Variants in WNT3A observed in about 807,000 individuals in gnomAD.
WNT3A encodes protein Wnt-3a.
A neutral mutation model predicts 37.0 loss-of-function variants in WNT3A; 17 were observed. That is an observed-to-expected ratio of 0.46 (90% CI 0.31 to 0.69). The LOEUF (loss-of-function observed/expected upper bound fraction) is 0.69. Ranked by LOEUF, WNT3A falls within the 30% of genes least tolerant of loss-of-function variation. The pLI is 0.05. For synonymous variants in WNT3A, 187 were observed against 211.0 expected (o/e 0.89, Z 0.99); for missense variants, 411 against 510.2 (o/e 0.81, Z 1.87).
In WNT3A at chr1:228,057,641, C is replaced by T. The variant is rs899625424; in HGVS notation, c.580-1345C>T. On this transcript the variant is annotated intron_variant, in intron 3 of 3. Transcript: ENST00000284523. ...AGTTCAAGAAAGAGCCAGAAGGGGA[C>T]GAGGAGGAGGCAGGATTGGGACCCA... 1.2e-4 allele frequency among the ~76,000 whole-genome samples: 18 copies of T among 152,020 alleles called. No individual in the cohort carries two copies. In the South Asian group the frequency reaches 1.5e-3, roughly 12 times the overall value.
chr1:228,041,013 A>ATATCTATCTATCTATCTATC (rs6143658), intron 2 of WNT3A, among the ~76,000 whole-genome samples: 2 of 140,834 alleles, frequency 1.4e-5, no homozygotes, highest in African/African-American at 5.3e-5. Flanking sequence ...CTACATATCT[A>ATATCTATCTATCTATCTATC]TATCTATCTA....
chr1:228,051,700 A>G (rs2102780137), intron 3 of WNT3A, among the ~76,000 whole-genome samples: 2 of 152,224 alleles, frequency 1.3e-5, no homozygotes, highest in Non-Finnish European at 2.9e-5. Flanking sequence ...TTGCTACCCG[A>G]GACTGGGTAA....
At chr1:228,019,021 G>C (rs1260629279) in intron 1 of WNT3A, among the ~76,000 whole-genome samples, 1 of 152,234 alleles carries the variant, frequency 6.6e-6, no homozygotes, top group African/African-American at 2.4e-5. Context: ...GCTGTGAGAG[G>C]CCAGGGATGC....
At position 228,039,159 on chromosome 1, in the gene WNT3A, G is replaced by A. The variant is rs1571806698; in HGVS notation, c.314-11497G>A. 6.6e-6 allele frequency among the ~76,000 whole-genome samples: 1 copy of A among 152,166 alleles called. No individual in the cohort carries two copies. The highest frequency in any genetic ancestry group is 1.5e-5 in the Non-Finnish European group (1 of 68,024). ...AAGCCACAGGTTTCCAGGGGCTGGG[G>A]ACAGCATTGGAGGGCCCCAGGAGGC... On this transcript the variant is annotated intron_variant, in intron 2 of 3. Transcript: ENST00000284523. This position sits in a 1 kb window ranked among gnomAD's most constrained non-coding sequence, Gnocchi z 4.1.
intron 2 of WNT3A, among the ~76,000 whole-genome samples, chr1:228,040,989 ATATAT>A (rs2031270455): frequency 6.8e-6 from 1 of 146,084 alleles, no homozygotes; most frequent in African/African-American, 2.5e-5. Flanking sequence ...ATATATATAT[ATATAT>A]AATATCTACT....
Position 228,050,279 on chromosome 1 carries a change from G to A in WNT3A, c.314-377G>A, listed in dbSNP as rs2031514964. Among the ~76,000 whole-genome samples the A allele has an allele frequency of 6.6e-6, 1 of 152,230 alleles. No individual in the cohort carries two copies. Reference sequence around the variant, plus strand: ...TGGTCTCAAGCAGTCCTCCTACTGTGCCTCTCAAAGTGCTGGGATTACAGG... The same window carrying A: ...TGGTCTCAAGCAGTCCTCCTACTGTACCTCTCAAAGTGCTGGGATTACAGG... On this transcript the variant is annotated intron_variant, in intron 2 of 3. Transcript: ENST00000284523. The surrounding 1 kb of genome is among the most constrained non-coding windows in gnomAD (Gnocchi z 5.0).
In WNT3A at chr1:228,022,894, C is replaced by G; in HGVS notation, c.299C>G (p.Pro100Arg). 1 of 1,609,092 alleles carries G rather than the reference C, an allele frequency of 6.2e-7. No homozygotes were observed. Among genetic ancestry groups the G allele is most frequent in the Non-Finnish European group, 8.5e-7 (1 of 1,176,466 alleles). ...TVHDSLAIFG[P>R]VLDKATRESA... ...CACGACAGCCTGGCCATCTTCGGGC[C>G]CGTGCTGGACAAAGGTATGGGGGTG... The change falls in exon 2 of 4, where the codon CCC becomes CGC. Residue 100 changes from proline to arginine, a missense_variant. Physicochemically the swap from Pro to Arg is moderately radical, Grantham distance 103. Coordinates refer to ENST00000284523, the MANE Select transcript of WNT3A (RefSeq NM_033131.4).
At chr1:228,010,569 C>G (rs2030340969) in intron 1 of WNT3A, among the ~76,000 whole-genome samples, 1 of 152,208 alleles carries the variant, frequency 6.6e-6, no homozygotes, top group African/African-American at 2.4e-5. Flanking sequence ...ACAGCAAGCT[C>G]CACCCCTTAC....
chr1:228,057,850 G>A (rs981569921), intron 3 of WNT3A, among the ~76,000 whole-genome samples: 2 of 152,192 alleles, frequency 1.3e-5, no homozygotes, highest in Non-Finnish European at 2.9e-5. Flanking sequence ...GGTTTGGTTT[G>A]GTTTGAGACA....
At chr1:228,033,244 A>G (rs563849857) in intron 2 of WNT3A, among the ~76,000 whole-genome samples, 4 of 151,984 alleles carry the variant, frequency 2.6e-5, no homozygotes, top group Admixed American at 2.0e-4. Context: ...CTAAGAGACA[A>G]TTGCCTAACC....
In WNT3A at chr1:228,039,663, A is replaced by C. The variant is rs2031228231; in HGVS notation, c.314-10993A>C. 6.6e-6 allele frequency among the ~76,000 whole-genome samples: 1 copy of C among 152,094 alleles called. No homozygotes were observed. Among genetic ancestry groups the C allele is most frequent in the South Asian group, 2.1e-4 (1 of 4,826 alleles). On this transcript the variant is annotated intron_variant, in intron 2 of 3. Transcript: ENST00000284523. This position sits in a 1 kb window ranked among gnomAD's most constrained non-coding sequence, Gnocchi z 4.1. ...CATCAGAATCACTGGAGACCCTTTA[A>C]GATATAGGTGCCCCCCACCCCAGTT...
intron 2 of WNT3A, among the ~76,000 whole-genome samples, chr1:228,046,826 G>A (rs1236726493): frequency 1.3e-5 from 2 of 151,748 alleles, no homozygotes; most frequent in Non-Finnish European, 2.9e-5. Context: ...ATGCCTATAT[G>A]TGTGTGTTTG....
At chr1:228,015,538 G>A (rs1431509235) in intron 1 of WNT3A, among the ~76,000 whole-genome samples, 2 of 152,166 alleles carry the variant, frequency 1.3e-5, no homozygotes, top group Admixed American at 1.3e-4. Context: ...GGGCATGGGG[G>A]CAGGGAGGGC....
Position 228,050,818 on chromosome 1 carries a change from T to C in WNT3A, c.476T>C (p.Ile159Thr). ...AAGTGGGGTGGCTGTAGCGAGGACA[T>C]CGAGTTTGGTGGGATGGTGTCTCGG... Reference protein sequence around the residue: ...GWKWGGCSEDIEFGGMVSREF... With the variant: ...GWKWGGCSEDTEFGGMVSREF... The change falls in exon 3 of 4, where the codon ATC (isoleucine) becomes ACC (threonine). Residue 159 changes from isoleucine (I) to threonine (T), a missense_variant. Coordinates refer to ENST00000284523, the MANE Select transcript of WNT3A (RefSeq NM_033131.4). The surrounding 1 kb of genome is among the most constrained non-coding windows in gnomAD (Gnocchi z 5.0). 2 of 1,612,100 alleles carry C rather than the reference T, an allele frequency of 1.2e-6. No individual in the cohort carries two copies. Among genetic ancestry groups the C allele is most frequent in the Non-Finnish European group, 1.7e-6 (2 of 1,179,104 alleles).
At chr1:228,009,182 TC>T (rs2030298636) in intron 1 of WNT3A, among the ~76,000 whole-genome samples, 1 of 151,942 alleles carries the variant, frequency 6.6e-6, no homozygotes, top group African/African-American at 2.4e-5. Flanking sequence ...AGAAGCAGCC[TC>T]CCCTTGGGGG....
In WNT3A at chr1:228,031,113, G is replaced by A. The variant is rs2030991464; in HGVS notation, c.313+8205G>A. On this transcript the variant is annotated intron_variant, in intron 2 of 3. Coordinates refer to ENST00000284523, the MANE Select transcript of WNT3A (RefSeq NM_033131.4). This position sits in a 1 kb window ranked among gnomAD's most constrained non-coding sequence, Gnocchi z 4.8. ...GCCCCAGCCCTCATCACGGGCCTGT[G>A]TTCTTCAGGCGTGGGGAAGGCACCG... Among the ~76,000 whole-genome samples the A allele has an allele frequency of 6.6e-6, 1 of 152,216 alleles. No homozygotes were observed. The highest frequency in any genetic ancestry group is 1.5e-5 in the Non-Finnish European group (1 of 68,042).
chr1:228,020,779 G>A (rs1249614918), intron 1 of WNT3A, among the ~76,000 whole-genome samples: 1 of 152,196 alleles, frequency 6.6e-6, no homozygotes, highest in African/African-American at 2.4e-5. Flanking sequence ...GTGGTGGCCT[G>A]GGGATGCACG....
At chr1:228,024,873 A>C (rs1198320786) in intron 2 of WNT3A, among the ~76,000 whole-genome samples, 1 of 152,232 alleles carries the variant, frequency 6.6e-6, no homozygotes, top group African/African-American at 2.4e-5. Flanking sequence ...CAGTTATTCC[A>C]GTACCTTCTA....
At position 228,039,858 on chromosome 1, in the gene WNT3A, C is replaced by G. The variant is rs968770992; in HGVS notation, c.314-10798C>G. Among the ~76,000 whole-genome samples the G allele has an allele frequency of 6.6e-6, 1 of 152,170 alleles. No homozygotes were observed. Among genetic ancestry groups the G allele is most frequent in the African/African-American group, 2.4e-5 (1 of 41,434 alleles). ...CCCCGAGGAGCTGGATTTCATTGTC[C>G]TATGGTCGCATTTAACAACAATCCC... On this transcript the variant is annotated intron_variant, in intron 2 of 3. Transcript: ENST00000284523. This position sits in a 1 kb window ranked among gnomAD's most constrained non-coding sequence, Gnocchi z 4.1.
Sources: gnomAD v4.1 joint callset for allele counts (sites outside exome capture counted in the v4.1 genomes callset) on GRCh38, gnomAD v4.1.1 for gene constraint, Gnocchi (gnomAD v3.1) non-coding constraint, MANE v1.5 for transcripts, NCBI Gene and HGNC (gene_info 2026-07-23, HGNC 2026-07-21) for gene names.